The following NAV3 variants were observed in gnomAD, a reference collection of about 807,000 sequenced individuals.
The protein encoded by NAV3 is pore membrane and/or filament interacting like protein 1.
Under a neutral mutation model 244.7 loss-of-function variants are expected in NAV3, and 87 were observed. That is an observed-to-expected ratio of 0.36 (90% CI 0.30 to 0.42). NAV3 has a LOEUF of 0.42. NAV3 is among the 20% of genes least tolerant of loss of function. The pLI is 1.00. For synonymous variants in NAV3, 1,126 were observed against 1,042.2 expected (o/e 1.08, Z -1.55); for missense variants, 2,663 against 2,893.3 (o/e 0.92, Z 1.83).
At chr12:77,936,758 A>T (rs541625032) in intron 1 of NAV3, among the ~76,000 whole-genome samples, 23 of 152,306 alleles carry the variant, frequency 1.5e-4, no homozygotes, top group African/African-American at 4.6e-4. Context: ...TTTAAAGATC[A>T]CATTCTAATG....
intron 38 of NAV3, among the ~76,000 whole-genome samples, chr12:78,203,725 T>C (rs762006805): frequency 9.9e-5 from 15 of 152,134 alleles, no homozygotes; most frequent in Non-Finnish European, 1.8e-4. Flanking sequence ...ACCAGGATTG[T>C]CCTTGGTAAA....
At chr12:77,849,177 C>T (rs190101831) in intron 1 of NAV3, among the ~76,000 whole-genome samples, 1 of 152,000 alleles carries the variant, frequency 6.6e-6, no homozygotes, top group East Asian at 1.9e-4. Context: ...TAATGAGAAA[C>T]CGATTTGATT....
intron 12 of NAV3, among the ~76,000 whole-genome samples, chr12:78,060,949 G>C (rs1011135780): frequency 1.3e-5 from 2 of 152,128 alleles, no homozygotes; most frequent in Non-Finnish European, 2.9e-5. Context: ...AACTCTCCTT[G>C]CTCCATCAGG....
intron 2 of NAV3, among the ~76,000 whole-genome samples, chr12:77,645,977 T>C (rs1872591702): frequency 6.6e-6 from 1 of 152,124 alleles, no homozygotes. Flanking sequence ...GACCTTAGGA[T>C]TACTAGATTT....
chr12:77,700,580 A>G (rs985031705), intron 2 of NAV3, among the ~76,000 whole-genome samples: 3 of 152,156 alleles, frequency 2.0e-5, no homozygotes, highest in African/African-American at 7.2e-5. Context: ...AATAGTGAGA[A>G]CAGATATTCT....
Position 78,146,357 on chromosome 12 carries a change from A to G in NAV3, c.4684-12A>G, listed in dbSNP as rs1593783463. ...TTTTATAGTTAAAGTCTTTCTTTTTATTGTTTTACAGGCTGAAGAAAAGGC... is the reference window on the plus strand; with the variant it reads ...TTTTATAGTTAAAGTCTTTCTTTTTGTTGTTTTACAGGCTGAAGAAAAGGC... On this transcript the variant is annotated splice_polypyrimidine_tract_variant and intron_variant, in intron 20 of 39. Coordinates refer to ENST00000397909, the MANE Select transcript of NAV3 (RefSeq NM_001024383.2). The G allele has an allele frequency of 1.9e-6, 2 of 1,071,916 alleles. No individual in the cohort carries two copies. The highest frequency in any genetic ancestry group is 2.6e-6 in the Non-Finnish European group (2 of 766,528). The allele number at this position is 1,071,916 out of a possible 1,614,324, so 66.4% of individuals were successfully genotyped here. A position where few individuals can be genotyped will look rare whatever the true frequency, so the allele number is the denominator to read the frequency against.
chr12:77,658,209 C>G (rs1873224001), intron 2 of NAV3, among the ~76,000 whole-genome samples: 1 of 152,024 alleles, frequency 6.6e-6, no homozygotes, highest in Non-Finnish European at 1.5e-5. Context: ...CTAGAAAACC[C>G]CATTGTCTCA....
chr12:77,962,744 T>C (rs1892141456), intron 3 of NAV3, among the ~76,000 whole-genome samples: 1 of 152,154 alleles, frequency 6.6e-6, no homozygotes, highest in African/African-American at 2.4e-5. Flanking sequence ...GAAATCCATC[T>C]AGTAGATTTT....
At chr12:77,574,948 T>C (rs1350942219) in intron 2 of NAV3, among the ~76,000 whole-genome samples, 3 of 151,524 alleles carry the variant, frequency 2.0e-5, no homozygotes, top group African/African-American at 7.3e-5. Context: ...TTTATTAAGA[T>C]AGTATCTTCC....
chr12:78,015,070 C>T (rs1875952829), intron 8 of NAV3, among the ~76,000 whole-genome samples: 3 of 152,058 alleles, frequency 2.0e-5, no homozygotes, highest in African/African-American at 7.2e-5. Context: ...CCAGCAGAGC[C>T]AGCAGAGAGG....
intron 2 of NAV3, among the ~76,000 whole-genome samples, chr12:77,731,205 G>C (rs1185929573): frequency 6.6e-6 from 1 of 151,946 alleles, no homozygotes; most frequent in Non-Finnish European, 1.5e-5. Flanking sequence ...GATAACACCT[G>C]AATACCAGTC....
At chr12:77,791,354 C>A (rs1181168034) in intron 2 of NAV3, among the ~76,000 whole-genome samples, 5 of 138,556 alleles carry the variant, frequency 3.6e-5, no homozygotes, top group African/African-American at 1.1e-4. Context: ...AACTCCATCT[C>A]AAAAAAAAAA....
rs1868884021 is a variant in NAV3, at chr12:77,752,084, TTGTC to T, written c.72+179822_72+179825del. Among the ~76,000 whole-genome samples the T allele has an allele frequency of 2.0e-5, 3 of 152,306 alleles. No individual in the cohort carries two copies. The South Asian group carries it at 6.2e-4, about 32-fold the overall frequency. On this transcript the variant is annotated intron_variant, in intron 2 of 8. Transcript: ENST00000550042. ...TGATTTGTTTATCCAGCAGTTTTGT[TTGTC>T]TGTGCGCTTTTCTGTGTGCCAATTG...
intron 19 of NAV3, among the ~76,000 whole-genome samples, chr12:78,139,380 C>G (rs950196659): frequency 1.3e-5 from 2 of 152,074 alleles, no homozygotes; most frequent in African/African-American, 4.8e-5. Flanking sequence ...TCACAGTACT[C>G]TATTGTAAAT....
chr12:77,735,490 T>C (rs1190591952), intron 2 of NAV3, among the ~76,000 whole-genome samples: 4 of 152,110 alleles, frequency 2.6e-5, no homozygotes, highest in Non-Finnish European at 5.9e-5. Flanking sequence ...TTTTAAGCCC[T>C]CCTATAAACA....
intron 3 of NAV3, among the ~76,000 whole-genome samples, chr12:77,965,604 G>C (rs2137934636): frequency 6.6e-6 from 1 of 152,282 alleles, no homozygotes; most frequent in African/African-American, 2.4e-5. Flanking sequence ...GTGTGACGGA[G>C]CAACATTCTG....
At chr12:78,041,062 A>G (rs1880776761) in intron 9 of NAV3, among the ~76,000 whole-genome samples, 1 of 152,184 alleles carries the variant, frequency 6.6e-6, no homozygotes, top group African/African-American at 2.4e-5. Context: ...GAGGAGAAGT[A>G]TGGGAAGAAT....
chr12:77,790,362 C>T (rs1294427356), intron 2 of NAV3, among the ~76,000 whole-genome samples: 1 of 152,252 alleles, frequency 6.6e-6, no homozygotes, highest in East Asian at 1.9e-4. Flanking sequence ...GACATTCAAT[C>T]TCTGATTTTG....
intron 2 of NAV3, among the ~76,000 whole-genome samples, chr12:77,770,751 C>A (rs983597625): frequency 5.9e-5 from 9 of 152,104 alleles, no homozygotes; most frequent in Non-Finnish European, 1.0e-4. Context: ...ACACCTTATA[C>A]AAAAATTAAT....
Sources: allele counts gnomAD v4.1 joint callset (sites outside exome capture counted in the v4.1 genomes callset), GRCh38; gene constraint gnomAD v4.1.1; transcripts MANE v1.5; gene names NCBI Gene and HGNC (gene_info 2026-07-23, HGNC 2026-07-21).